The following SYT16 variants were observed in gnomAD, a reference collection of about 807,000 sequenced individuals.
SYT16 encodes the protein synaptotagmin-16.
SYT16 carries 42 observed loss-of-function variants against 61.4 expected under a neutral mutation model. That is an observed-to-expected ratio of 0.68 (90% CI 0.53 to 0.89). The LOEUF (loss-of-function observed/expected upper bound fraction) is 0.89. Among genes scored for constraint, SYT16 ranks in the 40% least tolerant of loss-of-function variants. The pLI, the probability that SYT16 is intolerant of heterozygous loss-of-function variation, is 0.00. For synonymous variants in SYT16, 314 were observed against 302.3 expected (o/e 1.04, Z -0.40); for missense variants, 804 against 807.3 (o/e 1.00, Z 0.05).
Position 62,070,880 on chromosome 14 carries a change from G to C in SYT16, c.736+1065G>C, listed in dbSNP as rs1006277702. ...TGTTCCATATTTTCAAACCCAGACA[G>C]ATAAAAAGGAGGGTGCAGAAATTGA... On this transcript the variant is annotated intron_variant, in intron 4 of 7. Coordinates refer to ENST00000683842, the MANE Select transcript of SYT16 (RefSeq NM_001367656.1). Among the ~76,000 whole-genome samples the C allele has an allele frequency of 1.1e-4, 17 of 152,228 alleles. 1 individual carries two copies. Among genetic ancestry groups the C allele is most frequent in the African/African-American group, 3.6e-4 (15 of 41,542 alleles).
rs1305919377 is a variant in SYT16, at chr14:62,105,246, C to T, written c.*4539C>T. The T allele has an allele frequency of 2.0e-5, 3 of 152,192 alleles. No homozygotes were observed. The highest frequency in any genetic ancestry group is 6.5e-5 in the Admixed American group (1 of 15,272). 9.4% of individuals were successfully genotyped at this position (152,192 alleles called of 1,614,324 possible). On this transcript the variant is annotated 3_prime_UTR_variant, in exon 8 of 8. Transcript: ENST00000683842. Reference sequence around the variant, plus strand: ...TGATCGATCACAAACAAGGCCTCTCCTTGTCTCCAGTTCTCTTATTCATAA... The same window carrying T: ...TGATCGATCACAAACAAGGCCTCTCTTTGTCTCCAGTTCTCTTATTCATAA...
chr14:62,082,627 T>C (rs1315531372), intron 6 of SYT16, among the ~76,000 whole-genome samples: 1 of 152,182 alleles, frequency 6.6e-6, no homozygotes, highest in Non-Finnish European at 1.5e-5. Context: ...AGCCAGATGA[T>C]GTCTCAGCTC....
At chr14:62,035,006 C>A (rs542401485) in intron 3 of SYT16, among the ~76,000 whole-genome samples, 3 of 152,244 alleles carry the variant, frequency 2.0e-5, no homozygotes, top group South Asian at 4.1e-4. Context: ...CTTAGTTTGC[C>A]TTGTGGCTTT....
chr14:62,027,193 T>C (rs535967566), intron 3 of SYT16, among the ~76,000 whole-genome samples: 2 of 152,328 alleles, frequency 1.3e-5, no homozygotes, highest in South Asian at 4.1e-4. Flanking sequence ...CTTCTTACTT[T>C]TCCTGTTTCC....
chr14:61,901,166 C>G (rs971093793), intron 1 of SYT16, among the ~76,000 whole-genome samples: 1 of 152,200 alleles, frequency 6.6e-6, no homozygotes, highest in Non-Finnish European at 1.5e-5. Flanking sequence ...ACTATCTGCT[C>G]TAATACCAGT....
chr14:61,934,666 C>T lies in SYT16; in HGVS notation c.-324-35466C>T, dbSNP rs370158557. Among the ~76,000 whole-genome samples, 4 of 152,332 alleles carry T rather than the reference C, an allele frequency of 2.6e-5. No individual in the cohort carries two copies. In the East Asian group the frequency reaches 7.7e-4, roughly 29 times the overall value. On this transcript the variant is annotated intron_variant, in intron 1 of 7. Transcript: ENST00000683842. ...CATAGTGGGCAGAGATTGGTCTGGA[C>T]TGAGGCAAGCTCCATTCTAGTTCTG...
chr14:61,881,086 C>T (rs2047681483), intron 1 of SYT16, among the ~76,000 whole-genome samples: 1 of 152,150 alleles, frequency 6.6e-6, no homozygotes, highest in South Asian at 2.1e-4. Context: ...TCCATCACTA[C>T]CTCCCCAAAG....
chr14:62,001,192 G>A (rs1027011103), intron 3 of SYT16, among the ~76,000 whole-genome samples: 45 of 152,034 alleles, frequency 3.0e-4, no homozygotes, highest in African/African-American at 9.9e-4. Flanking sequence ...TGAAAAATGC[G>A]TGACATTTAT....
At chr14:62,086,164 T>C (rs567656959) in intron 7 of SYT16, among the ~76,000 whole-genome samples, 2 of 152,284 alleles carry the variant, frequency 1.3e-5, no homozygotes, top group African/African-American at 4.8e-5. Flanking sequence ...GAATTCAGGC[T>C]CTGCCACTTA....
Position 61,833,970 on chromosome 14 carries a change from ATTTT to A in SYT16, c.-325+21177_-325+21180del, listed in dbSNP as rs544826072. On this transcript the variant is annotated intron_variant, in intron 1 of 7. Coordinates refer to ENST00000683842, the MANE Select transcript of SYT16 (RefSeq NM_001367656.1). ...GTGGATTGCTGAAGCTCTGGCTTTG[ATTTT>A]TTTTTTTTTTTTTTTTAAATTTTGG... Among the ~76,000 whole-genome samples the A allele has an allele frequency of 2.4e-4, 28 of 117,306 alleles. No individual in the cohort carries two copies. In the East Asian group the frequency reaches 3.7e-3, roughly 16 times the overall value. 77.0% of individuals were successfully genotyped at this position (117,306 alleles called of 152,430 possible).
At position 62,009,502 on chromosome 14, in the gene SYT16, G is replaced by T. The variant is rs146867462; in HGVS notation, c.523+12960G>T. Reference sequence around the variant, plus strand: ...GAGAAATGTGTTGGAATCTGTGCTGGTTCTCAAACTACTATCTCTCAGCTC... The same window carrying T: ...GAGAAATGTGTTGGAATCTGTGCTGTTTCTCAAACTACTATCTCTCAGCTC... On this transcript the variant is annotated intron_variant, in intron 3 of 7. Coordinates refer to ENST00000683842, the MANE Select transcript of SYT16 (RefSeq NM_001367656.1). 3.3e-3 allele frequency among the ~76,000 whole-genome samples: 508 copies of T among 152,254 alleles called. 2 individuals are homozygous for T. The highest frequency in any genetic ancestry group is 0.012 in the African/African-American group (485 of 41,542).
At chr14:61,963,609 A>G (rs1482925689) in intron 1 of SYT16, among the ~76,000 whole-genome samples, 1 of 152,192 alleles carries the variant, frequency 6.6e-6, no homozygotes, top group African/African-American at 2.4e-5. Flanking sequence ...CATCCCCATT[A>G]CATGAAAGAG....
At chr14:62,016,998 A>C (rs2053712656) in intron 3 of SYT16, among the ~76,000 whole-genome samples, 1 of 152,196 alleles carries the variant, frequency 6.6e-6, no homozygotes, top group Admixed American at 6.5e-5. Context: ...TGGGAAGGTT[A>C]GTTAAATTTT....
At chr14:62,046,994 G>C (rs1168880652) in intron 3 of SYT16, among the ~76,000 whole-genome samples, 1 of 152,214 alleles carries the variant, frequency 6.6e-6, no homozygotes, top group Non-Finnish European at 1.5e-5. Context: ...TGTGAAGAAA[G>C]TCATTGGTAG....
At chr14:61,927,835 A>G (rs1305532543) in intron 1 of SYT16, among the ~76,000 whole-genome samples, 1 of 152,146 alleles carries the variant, frequency 6.6e-6, no homozygotes, top group Non-Finnish European at 1.5e-5. Context: ...GAAAAAAGTT[A>G]ATAACCTAGT....
intron 5 of SYT16, chr14:62,079,275 C>T: frequency 2.4e-6 from 2 of 849,466 alleles, no homozygotes; most frequent in South Asian, 2.2e-5. Flanking sequence ...CGCATGATTG[C>T]ATGCTCACAG....
At chr14:61,911,910 T>C (rs1252661981) in intron 1 of SYT16, among the ~76,000 whole-genome samples, 1 of 152,190 alleles carries the variant, frequency 6.6e-6, no homozygotes, top group African/African-American at 2.4e-5. Flanking sequence ...ATCTGCATGG[T>C]GCAAAAAGCG....
intron 1 of SYT16, among the ~76,000 whole-genome samples, chr14:61,938,714 T>C (rs186768937): frequency 3.3e-4 from 50 of 152,304 alleles, no homozygotes; most frequent in African/African-American, 1.1e-3. Flanking sequence ...TAAGGGGGAC[T>C]GACATGGTTA....
chr14:62,047,894 T>C (rs1314241260), intron 3 of SYT16, among the ~76,000 whole-genome samples: 1 of 152,236 alleles, frequency 6.6e-6, no homozygotes, highest in East Asian at 1.9e-4. Context: ...TTACTGAGGA[T>C]TTTTGCATCA....
Sources: allele counts gnomAD v4.1 joint callset (sites outside exome capture counted in the v4.1 genomes callset), GRCh38; gene constraint gnomAD v4.1.1; transcripts MANE v1.5; gene names NCBI Gene and HGNC (gene_info 2026-07-23, HGNC 2026-07-21).